Variants in AGFG2 observed in about 807,000 individuals in gnomAD.
AGFG2 encodes arf-GAP domain and FG repeat-containing protein 2.
In AGFG2, 31 loss-of-function variants were observed where a neutral mutation model predicts 48.0. The ratio of observed to expected loss-of-function variants is 0.65; its 90% CI spans 0.49 to 0.87. The LOEUF (loss-of-function observed/expected upper bound fraction) is 0.87. Among genes scored for constraint, AGFG2 ranks in the 40% least tolerant of loss-of-function variants. AGFG2 has a pLI of 0.00. For synonymous variants in AGFG2, 229 were observed against 260.8 expected (o/e 0.88, Z 1.18); for missense variants, 599 against 632.6 (o/e 0.95, Z 0.57).
Position 100,554,135 on chromosome 7 carries a change from A to T in AGFG2, c.628A>T (p.Thr210Ser). ...SHARTSQARS[T>S]QPPPHSSVKK... is the part of the protein sequence containing the mutation. ...CGCTCGGACATCCCAGGCCCGGAGCACTCAGCCACCTCCCCACTCCTCTGT... is the reference window on the plus strand; with the variant it reads ...CGCTCGGACATCCCAGGCCCGGAGCTCTCAGCCACCTCCCCACTCCTCTGT... The change falls in exon 5 of 12, where the codon ACT (threonine) becomes TCT (serine). Residue 210 changes from threonine (T) to serine (S), a missense_variant. Physicochemically the swap from Thr to Ser is moderately conservative, Grantham distance 58. Coordinates refer to ENST00000300176, the MANE Select transcript of AGFG2 (RefSeq NM_006076.5). 1.2e-6 allele frequency: 2 copies of T among 1,614,038 alleles called. No individual in the cohort carries two copies. Among genetic ancestry groups the T allele is most frequent in the South Asian group, 1.1e-5 (1 of 91,080 alleles).
At chr7:100,551,064 A>ATTTTTT (rs1415575604) in intron 3 of AGFG2, among the ~76,000 whole-genome samples, 3 of 78,342 alleles carry the variant, frequency 3.8e-5, no homozygotes, top group African/African-American at 1.6e-4. Flanking sequence ...ATATATATAT[A>ATTTTTT]TATTTCTTTT....
chr7:100,562,675 C>T lies in AGFG2; in HGVS notation c.1080C>T (p.Ala360=). The change falls in exon 8 of 12, where the codon GCC becomes GCT. Residue 360 remains alanine (A), a synonymous_variant. Coordinates refer to ENST00000300176, the MANE Select transcript of AGFG2 (RefSeq NM_006076.5). The surrounding 1 kb of genome is among the most constrained non-coding windows in gnomAD (Gnocchi z 5.4). The part of the protein sequence containing the change: ...GGGGGSSTGL[A]FGAFTNPFTA... ...GCGGCGGCAGCAGCACAGGGCTGGC[C>T]TTTGGAGGTGAGTCCTGCCTGTGGA... is the stretch of plus-strand genomic sequence containing the variant. 6.2e-7 allele frequency: 1 copy of T among 1,607,296 alleles called. No individual in the cohort carries two copies. Among genetic ancestry groups the T allele is most frequent in the South Asian group, 1.1e-5 (1 of 90,796 alleles).
rs1800978769 is a variant in AGFG2 at position 100,565,137 on chromosome 7, G to A, written c.*146G>A. On this transcript the variant is annotated 3_prime_UTR_variant, in exon 12 of 12. Coordinates refer to ENST00000300176, the MANE Select transcript of AGFG2 (RefSeq NM_006076.5). ...TTTGCTTGGGGCCTACAGGTGAAAG[G>A]TGGCTGCCCTCAGATTCCACAAAGC... The A allele has an allele frequency of 2.2e-6, 2 of 927,182 alleles. No individual in the cohort carries two copies. Among genetic ancestry groups the A allele is most frequent in the East Asian group, 4.8e-5 (2 of 41,412 alleles). 57.4% of individuals were successfully genotyped at this position (927,182 alleles called of 1,614,324 possible).
rs1801002298 is a variant in AGFG2, at chr7:100,566,049, A to G, written c.*1058A>G. The stretch of plus-strand genomic sequence containing the variant: ...ACTTTGAGGGGTTGCAGGTCAGTCA[A>G]CATGACTGATCCTTGACCTGGCTCT... On this transcript the variant is annotated 3_prime_UTR_variant, in exon 12 of 12. Coordinates refer to ENST00000300176, the MANE Select transcript of AGFG2 (RefSeq NM_006076.5). 1.3e-5 allele frequency: 2 copies of G among 152,700 alleles called. No homozygotes were observed. Among genetic ancestry groups the G allele is most frequent in the African/African-American group, 2.4e-5 (1 of 41,582 alleles). 9.5% of individuals were successfully genotyped at this position (152,700 alleles called of 1,614,324 possible). A position where few individuals can be genotyped will look rare whatever the true frequency, so the allele number is the denominator to read the frequency against.
Position 100,563,847 on chromosome 7 carries a change from G to A in AGFG2, c.1185G>A (p.Gly395=). 2 of 1,611,458 alleles carry A rather than the reference G, an allele frequency of 1.2e-6. No individual in the cohort carries two copies. The highest frequency in any genetic ancestry group is 1.7e-6 in the Non-Finnish European group (2 of 1,180,000). ...PNGLAPGPGF[G]MSSAGPGFPQ... ...TTCACTCCATAGGGCCCGGCTTTGG[G>A]ATGAGCAGTGCTGGGCCTGGCTTCC... Residue 395 remains glycine (G), a synonymous_variant, in exon 10 of 12, where the codon GGG becomes GGA. Coordinates refer to ENST00000300176, the MANE Select transcript of AGFG2 (RefSeq NM_006076.5).
rs1046995969 is a variant in AGFG2, at chr7:100,565,300, C to G, written c.*309C>G. 2.2e-5 allele frequency: 10 copies of G among 448,734 alleles called. No individual in the cohort carries two copies. The highest frequency in any genetic ancestry group is 4.1e-5 in the Non-Finnish European group (10 of 243,754). The allele number at this position is 448,734 out of a possible 1,614,324, so 27.8% of individuals were successfully genotyped here. On this transcript the variant is annotated 3_prime_UTR_variant, in exon 12 of 12. Transcript: ENST00000300176. ...TCAGTCCCCTGTGGAACAGCTCTTC[C>G]CTGGGCCTAGCTCGCCAGCGCTGTG...
intron 9 of AGFG2, 84 bp from the exon 10 acceptor site, chr7:100,563,749 TC>T: frequency 6.4e-7 from 1 of 1,571,308 alleles, no homozygotes; most frequent in Non-Finnish European, 8.6e-7. Context: ...TATCCCATTT[TC>T]CCATCTTGGA....
chr7:100,547,021 T>G (rs896095923), intron 1 of AGFG2, among the ~76,000 whole-genome samples: 2 of 152,174 alleles, frequency 1.3e-5, no homozygotes, highest in African/African-American at 4.8e-5. Flanking sequence ...TACCTAAAGG[T>G]CTAGCAGCAG....
At chr7:100,556,520 G>A in intron 6 of AGFG2, 1 of 1,228,006 alleles carries the variant, frequency 8.1e-7, no homozygotes, top group Non-Finnish European at 1.1e-6. Flanking sequence ...GATGTCTGGG[G>A]AAAAGCCAGT....
chr7:100,567,507 A>C lies in AGFG2; in HGVS notation c.*2516A>C, dbSNP rs149970944. ...CTGTGGGCCATCCCCATGTGTGAGGAAGCAGGAGTCAGCCACCAAGTGTCT... is the reference window on the plus strand; with the variant it reads ...CTGTGGGCCATCCCCATGTGTGAGGCAGCAGGAGTCAGCCACCAAGTGTCT... On this transcript the variant is annotated 3_prime_UTR_variant, in exon 12 of 12. Coordinates refer to ENST00000300176, the MANE Select transcript of AGFG2 (RefSeq NM_006076.5). The C allele has an allele frequency of 3.8e-4, 58 of 152,962 alleles. No individual in the cohort carries two copies. In the East Asian group the frequency reaches 9.3e-3, roughly 24 times the overall value. 9.5% of individuals were successfully genotyped at this position (152,962 alleles called of 1,614,324 possible).
At chr7:100,551,071 T>TATATA (rs1491536203) in intron 3 of AGFG2, among the ~76,000 whole-genome samples, 10 of 90,372 alleles carry the variant, frequency 1.1e-4, no homozygotes, top group African/African-American at 1.5e-4. Flanking sequence ...TATATATTTC[T>TATATA]TTTTTTTTTT....
intron 6 of AGFG2, among the ~76,000 whole-genome samples, chr7:100,561,549 G>T (rs891250326): frequency 6.6e-6 from 1 of 152,218 alleles, no homozygotes; most frequent in Non-Finnish European, 1.5e-5. Context: ...AAAATGACAG[G>T]GACTCAGCCT....
chr7:100,544,491 T>G (rs900743649), intron 1 of AGFG2, among the ~76,000 whole-genome samples: 2 of 152,176 alleles, frequency 1.3e-5, no homozygotes, highest in African/African-American at 4.8e-5. Context: ...TCTTCAATAA[T>G]TCAGTACTTT....
chr7:100,548,237 C>G (rs369995757), intron 1 of AGFG2, among the ~76,000 whole-genome samples: 74 of 152,208 alleles, frequency 4.9e-4, no homozygotes, highest in African/African-American at 1.7e-3. Context: ...CCTTTCCTCT[C>G]CAGAACTACT....
chr7:100,549,021 CTTAA>C (rs1800570503), intron 2 of AGFG2, 106 bp downstream of exon 2: 2 of 890,122 alleles, frequency 2.2e-6, no homozygotes, highest in African/African-American at 3.4e-5. Context: ...TTGAGTTTCT[CTTAA>C]TTTTTTCATA....
intron 4 of AGFG2, among the ~76,000 whole-genome samples, 180 bp downstream of exon 4, chr7:100,553,680 G>A (rs921208528): frequency 1.3e-5 from 2 of 152,230 alleles, no homozygotes; most frequent in East Asian, 1.9e-4. Flanking sequence ...TCTTTTGGAA[G>A]TCAGAACCTA....
chr7:100,554,259 G>A lies in AGFG2; in HGVS notation c.751+1G>A. ...TTTGCTGCATTCCCTGCCTTTGGGG[G>A]TAAGTGGGTTTTGGGATGGGACCCT... is the stretch of plus-strand genomic sequence containing the variant. On this transcript the variant is annotated splice_donor_variant, in intron 5 of 11. Transcript: ENST00000300176. LOFTEE classifies it high-confidence loss of function. 1 of 1,610,952 alleles carries A rather than the reference G, an allele frequency of 6.2e-7. No individual in the cohort carries two copies. Among genetic ancestry groups the A allele is most frequent in the Non-Finnish European group, 8.5e-7 (1 of 1,178,360 alleles).
At chr7:100,540,539 C>T (rs570311332) in intron 1 of AGFG2, among the ~76,000 whole-genome samples, 17 of 152,172 alleles carry the variant, frequency 1.1e-4, no homozygotes, top group Middle Eastern at 3.4e-3. Flanking sequence ...TATAGTAAAG[C>T]CCCCTCCACT....
At chr7:100,541,766 C>CAA (rs11285690) in intron 1 of AGFG2, among the ~76,000 whole-genome samples, 103 of 65,486 alleles carry the variant, frequency 1.6e-3, no homozygotes, top group African/African-American at 5.5e-3. Flanking sequence ...CTCTGTCTCA[C>CAA]AAAAAAAAAA....
Sources: allele counts gnomAD v4.1 joint callset (sites outside exome capture counted in the v4.1 genomes callset), GRCh38; gene constraint gnomAD v4.1.1; non-coding constraint Gnocchi (gnomAD v3.1); transcripts MANE v1.5; gene names NCBI Gene and HGNC (gene_info 2026-07-23, HGNC 2026-07-21).